The following CCDC180 variants were observed in gnomAD, a reference collection of about 807,000 sequenced individuals.
The protein encoded by CCDC180 is coiled-coil domain-containing protein 180.
Under a neutral mutation model 209.2 loss-of-function variants are expected in CCDC180, and 154 were observed. The observed-to-expected ratio is 0.74, with a 90% CI of 0.65 to 0.84. CCDC180 has a LOEUF of 0.84. Among genes scored for constraint, CCDC180 ranks in the 40% least tolerant of loss-of-function variants. CCDC180 has a pLI of 0.00. For synonymous variants in CCDC180, 778 were observed against 749.1 expected, an observed-to-expected ratio of 1.04 and a Z score of -0.63; for missense variants, 1,874 against 1,997.3, an observed-to-expected ratio of 0.94 and a Z score of 1.18.
chr9:97,310,519 G>A (rs1832947885), intron 3 of CCDC180, among the ~76,000 whole-genome samples: 1 of 152,152 alleles, frequency 6.6e-6, no homozygotes, highest in African/African-American at 2.4e-5. Context: ...CAGCTATGGG[G>A]AAAAGGAAGA....
intron 8 of CCDC180, among the ~76,000 whole-genome samples, chr9:97,316,554 A>T (rs1199324797): frequency 6.6e-6 from 1 of 152,204 alleles, no homozygotes; most frequent in African/African-American, 2.4e-5. Flanking sequence ...GTGCCATGCA[A>T]TGGAGGATCA....
Position 97,374,560 on chromosome 9 carries a change from C to G in CCDC180, c.4618C>G (p.Gln1540Glu), listed in dbSNP as rs769134832. The G allele has an allele frequency of 1.2e-5, 20 of 1,613,942 alleles. No individual in the cohort carries two copies. Among genetic ancestry groups the G allele is most frequent in the Middle Eastern group, 1.6e-4 (1 of 6,062 alleles). ...VQVARMEPPK[Q>E]KLSMLIRRKL... ...GCCTCTAGGGATGGAGCCCCCCAAA[C>G]AGAAATTATCAATGCTCATACGAAG... Residue 1540 changes from glutamine to glutamate, a missense_variant, in exon 35 of 37, where the codon CAG becomes GAG. Gln to Glu is a conservative substitution (Grantham distance 29, BLOSUM62 2). Transcript: ENST00000529487.
chr9:97,367,709 A>G (rs1826967506), intron 31 of CCDC180, among the ~76,000 whole-genome samples: 1 of 152,016 alleles, frequency 6.6e-6, no homozygotes, highest in Non-Finnish European at 1.5e-5. Flanking sequence ...CCTGACCTCC[A>G]ATGGTCTGCC....
chr9:97,348,185 C>T (rs1826328278), intron 20 of CCDC180, among the ~76,000 whole-genome samples: 1 of 151,814 alleles, frequency 6.6e-6, no homozygotes, highest in Non-Finnish European at 1.5e-5. Context: ...CCAAATTATA[C>T]TCCAACTCCT....
At chr9:97,348,123 G>GAC (rs1826325309) in intron 20 of CCDC180, among the ~76,000 whole-genome samples, 1 of 149,286 alleles carries the variant, frequency 6.7e-6, no homozygotes, top group African/African-American at 2.4e-5. Flanking sequence ...GCGGGGCGGG[G>GAC]GGGGGGCATG....
In CCDC180 at chr9:97,374,582, G is replaced by T. The variant is rs374587265; in HGVS notation, c.4640G>T (p.Arg1547Leu). The T allele has an allele frequency of 3.1e-6, 5 of 1,614,112 alleles. No individual in the cohort carries two copies. The highest frequency in any genetic ancestry group is 4.2e-6 in the Non-Finnish European group (5 of 1,180,018). Residue 1547 changes from arginine to leucine, a missense_variant, in exon 35 of 37, where the codon CGA becomes CTA. Physicochemically the swap from Arg to Leu is moderately radical, Grantham distance 102. Transcript: ENST00000529487. ...AAACAGAAATTATCAATGCTCATAC[G>T]AAGGAAACTCGCTGGGCTCTCCCTG... Reference protein sequence around the residue: ...PPKQKLSMLIRRKLAGLSLKE... With the variant: ...PPKQKLSMLILRKLAGLSLKE...
intron 12 of CCDC180, 108 bp from the exon 13 acceptor site, chr9:97,323,673 C>T: frequency 7.6e-7 from 1 of 1,323,392 alleles, no homozygotes; most frequent in Non-Finnish European, 1.0e-6. Context: ...GGGCCCTTCA[C>T]CTGGAGCTCA....
intron 3 of CCDC180, 108 bp downstream of exon 3, chr9:97,309,712 A>G (rs1179942793): frequency 6.8e-6 from 6 of 879,694 alleles, no homozygotes; most frequent in Non-Finnish European, 9.9e-6. Flanking sequence ...TGAAGTCTCA[A>G]GTACCACCCC....
At chr9:97,371,868 A>G (rs963874617) in intron 34 of CCDC180, 162 bp downstream of exon 34, 1 of 475,776 alleles carries the variant, frequency 2.1e-6, no homozygotes, top group Non-Finnish European at 3.8e-6. Context: ...TTGATTAAAA[A>G]GCAAATGCCA....
Position 97,371,723 on chromosome 9 carries a change from G to A in CCDC180, c.4600+17G>A, listed in dbSNP as rs1827106975. 4 of 1,542,336 alleles carry A rather than the reference G, an allele frequency of 2.6e-6. No homozygotes were observed. Among genetic ancestry groups the A allele is most frequent in the Non-Finnish European group, 3.6e-6 (4 of 1,120,548 alleles). ...AGGTTGCAAGTAAGAGGCACCACCAGCCTTGTGTCATGGCCCTGGGGGGCT... is the reference window on the plus strand; with the variant it reads ...AGGTTGCAAGTAAGAGGCACCACCAACCTTGTGTCATGGCCCTGGGGGGCT... On this transcript the variant is annotated intron_variant, in intron 34 of 36. Coordinates refer to ENST00000529487, the MANE Select transcript of CCDC180 (RefSeq NM_020893.6).
In CCDC180 at chr9:97,361,911, A is replaced by T; in HGVS notation, c.3656+13A>T. 1 of 1,612,876 alleles carries T rather than the reference A, an allele frequency of 6.2e-7. No individual in the cohort carries two copies. The highest frequency in any genetic ancestry group is 8.5e-7 in the Non-Finnish European group (1 of 1,179,518). The stretch of plus-strand genomic sequence containing the variant: ...GGAAGCTCCTGCAGTGAGTGGCCCC[A>T]GGGTGCACCTAAGGCTCTGCCACCC... On this transcript the variant is annotated intron_variant, in intron 27 of 36. Coordinates refer to ENST00000529487, the MANE Select transcript of CCDC180 (RefSeq NM_020893.6).
intron 18 of CCDC180, among the ~76,000 whole-genome samples, chr9:97,342,427 A>G (rs756385111): frequency 6.6e-6 from 1 of 152,106 alleles, no homozygotes; most frequent in Non-Finnish European, 1.5e-5. Context: ...CTATTCAACC[A>G]TCTTGGAACA....
chr9:97,376,720 A>T (rs1827268624), intron 36 of CCDC180, 43 bp from the exon 37 acceptor site: 32 of 1,598,274 alleles, frequency 2.0e-5, no homozygotes, highest in Non-Finnish European at 2.4e-5. Context: ...GAGGGTCCAG[A>T]TGTCTCTCCT....
chr9:97,338,149 G>T (rs1163584382), intron 18 of CCDC180, among the ~76,000 whole-genome samples: 1 of 152,110 alleles, frequency 6.6e-6, no homozygotes, highest in Admixed American at 6.5e-5. Context: ...GGTTTTTTGT[G>T]TCTCTATCTC....
intron 19 of CCDC180, among the ~76,000 whole-genome samples, chr9:97,346,986 A>G (rs1422804370): frequency 1.3e-5 from 2 of 152,238 alleles, no homozygotes. Flanking sequence ...AAATAGGAAC[A>G]TTGCTGATAA....
chr9:97,308,326 T>C (rs1229186870), intron 2 of CCDC180, among the ~76,000 whole-genome samples, 194 bp downstream of exon 2: 2 of 152,234 alleles, frequency 1.3e-5, no homozygotes, highest in Non-Finnish European at 2.9e-5. Context: ...TCTTGAAAAT[T>C]AGAAAACTTA....
intron 16 of CCDC180, among the ~76,000 whole-genome samples, chr9:97,329,838 G>A (rs1825674831): frequency 6.6e-6 from 1 of 152,138 alleles, no homozygotes; most frequent in Non-Finnish European, 1.5e-5. Context: ...GGAGGCCGAG[G>A]CGGGCGGATC....
chr9:97,369,105 C>T (rs529349188), intron 31 of CCDC180, among the ~76,000 whole-genome samples: 5 of 152,292 alleles, frequency 3.3e-5, no homozygotes, highest in African/African-American at 1.2e-4. Flanking sequence ...CATGACTTTA[C>T]TACCAGGTTA....
At position 97,320,102 on chromosome 9, in the gene CCDC180, T is replaced by TA. The variant is rs564455538; in HGVS notation, c.1080-23dup. On this transcript the variant is annotated intron_variant, in intron 10 of 36. Transcript: ENST00000529487. Reference sequence around the variant, plus strand: ...GTAAACGGTTTGTTCCTGTGTGGCTTACTTGCTGTATCTTCCTTCCCAGTG... The same window carrying TA: ...GTAAACGGTTTGTTCCTGTGTGGCTTAACTTGCTGTATCTTCCTTCCCAGTG... The TA allele has an allele frequency of 9.6e-4, 1,539 of 1,603,138 alleles. 12 individuals are homozygous for TA. In the African/African-American group the frequency reaches 0.018, roughly 19 times the overall value.
Sources: gnomAD v4.1 joint callset for allele counts (sites outside exome capture counted in the v4.1 genomes callset) on GRCh38, gnomAD v4.1.1 for gene constraint, MANE v1.5 for transcripts, NCBI Gene and HGNC (gene_info 2026-07-23, HGNC 2026-07-21) for gene names.